The following MTAP variants were observed in gnomAD, a reference collection of about 807,000 sequenced individuals.
MTAP encodes the protein methylthioadenosine phosphorylase, also known as S-methyl-5'-thioadenosine phosphorylase.
In MTAP, 33 loss-of-function variants were observed where a neutral mutation model predicts 33.6. The observed-to-expected ratio is 0.98, with a 90% CI of 0.74 to 1.31. The LOEUF (loss-of-function observed/expected upper bound fraction) is 1.31, where lower values mean the gene tolerates loss of function less well. MTAP is among the 40% of genes most tolerant of loss of function. MTAP has a pLI of 0.00. For missense variants in MTAP, 367 were observed against 360.0 expected, an observed-to-expected ratio of 1.02 and a Z score of -0.16; for synonymous variants, 148 against 125.7, an observed-to-expected ratio of 1.18 and a Z score of -1.19.
At chr9:21,873,404 C>G (rs778756880) in intron 1 of MTAP, among the ~76,000 whole-genome samples, 1 of 152,098 alleles carries the variant, frequency 6.6e-6, no homozygotes, top group Non-Finnish European at 1.5e-5. Context: ...GCAGTAGTAT[C>G]AAGAGGTAGA....
intron 6 of MTAP, 97 bp from the exon 7 acceptor site, chr9:21,859,206 C>T (rs1825701282): frequency 2.7e-6 from 4 of 1,506,010 alleles, no homozygotes; most frequent in Non-Finnish European, 3.6e-6. Flanking sequence ...GGGACACAAA[C>T]ATTTAGGCTG....
At chr9:21,934,958 C>T (rs1474001510), downstream of MTAP, 1 of 151,978 alleles carries the variant, frequency 6.6e-6, no homozygotes, top group Non-Finnish European at 1.5e-5. This position sits in a 1 kb window ranked among gnomAD's most constrained non-coding sequence, Gnocchi z 5.0. Flanking sequence ...CTCGGCCTCC[C>T]AAAGTGCTGG....
At chr9:21,913,471 A>G (rs1818620700) in intron 1 of MTAP, among the ~76,000 whole-genome samples, 1 of 152,166 alleles carries the variant, frequency 6.6e-6, no homozygotes, top group South Asian at 2.1e-4. Flanking sequence ...TGGAAATAAT[A>G]ACAAACATCT....
chr9:21,842,935 G>T (rs985955337), intron 5 of MTAP, among the ~76,000 whole-genome samples: 16 of 152,276 alleles, frequency 1.1e-4, no homozygotes, highest in Admixed American at 2.6e-4. Flanking sequence ...GAATGTAAAT[G>T]ACCTAAATGC....
At chr9:21,915,164 G>C (rs1050733972) in intron 1 of MTAP, among the ~76,000 whole-genome samples, 1 of 150,992 alleles carries the variant, frequency 6.6e-6, no homozygotes, top group Non-Finnish European at 1.5e-5. Context: ...CTCACTGCAA[G>C]CTCCACCTCT....
chr9:21,897,020 A>G (rs962612632), intron 1 of MTAP, among the ~76,000 whole-genome samples: 2 of 152,228 alleles, frequency 1.3e-5, no homozygotes, highest in Admixed American at 1.3e-4. Flanking sequence ...CACATCAAAA[A>G]GCTTATCCAC....
At chr9:21,836,337 C>G (rs1386678626) in intron 4 of MTAP, among the ~76,000 whole-genome samples, 2 of 152,082 alleles carry the variant, frequency 1.3e-5, no homozygotes, top group Non-Finnish European at 2.9e-5. Context: ...TTGCATGAAG[C>G]TTAACTTAAA....
At chr9:21,852,707 GAAAA>G (rs201258395) in intron 5 of MTAP, among the ~76,000 whole-genome samples, 1 of 118,128 alleles carries the variant, frequency 8.5e-6, no homozygotes, top group African/African-American at 3.1e-5. Context: ...CTATTGAAAT[GAAAA>G]AAAAAAAAAA....
intron 1 of MTAP, among the ~76,000 whole-genome samples, chr9:21,884,434 A>G (rs891811655): frequency 6.6e-6 from 1 of 152,212 alleles, no homozygotes; most frequent in Non-Finnish European, 1.5e-5. Context: ...ACATAATGTT[A>G]AGTGGAAAAA....
exon 2 of MTAP, chr9:21,931,023 A>G: frequency 1.3e-6 from 1 of 763,832 alleles, no homozygotes. Context: ...CAAGTTCCAG[A>G]TGATCCTCAG....
At chr9:21,810,098 A>G (rs186867112) in intron 1 of MTAP, among the ~76,000 whole-genome samples, 2 of 152,346 alleles carry the variant, frequency 1.3e-5, no homozygotes, top group East Asian at 1.9e-4. Context: ...TAGGCCTGCT[A>G]TAACAAAGCA....
At chr9:21,914,907 A>G (rs997812525) in intron 1 of MTAP, among the ~76,000 whole-genome samples, 3 of 151,900 alleles carry the variant, frequency 2.0e-5, no homozygotes, top group African/African-American at 4.8e-5. Context: ...AAAGAGTCAT[A>G]TAATATATGG....
At chr9:21,822,271 C>A (rs1239681171) in intron 4 of MTAP, among the ~76,000 whole-genome samples, 1 of 152,176 alleles carries the variant, frequency 6.6e-6, no homozygotes, top group Non-Finnish European at 1.5e-5. Context: ...GCATTTAGTG[C>A]TATAAATTTC....
chr9:21,873,964 A>G (rs533248451), intron 1 of MTAP, among the ~76,000 whole-genome samples: 1 of 152,284 alleles, frequency 6.6e-6, no homozygotes, highest in African/African-American at 2.4e-5. Flanking sequence ...TTAACAGGAA[A>G]TAGTGTTATC....
chr9:21,918,912 G>C (rs577216220), intron 1 of MTAP, among the ~76,000 whole-genome samples: 1 of 152,046 alleles, frequency 6.6e-6, no homozygotes. Flanking sequence ...TATTAGCAGC[G>C]TGAGAACAGA....
At chr9:21,915,161 C>T (rs559612278) in intron 1 of MTAP, among the ~76,000 whole-genome samples, 39 of 151,426 alleles carry the variant, frequency 2.6e-4, no homozygotes, top group African/African-American at 9.0e-4. Context: ...TGGCTCACTG[C>T]AAGCTCCACC....
At chr9:21,918,403 TG>T (rs1818731090) in intron 1 of MTAP, among the ~76,000 whole-genome samples, 2 of 143,536 alleles carry the variant, frequency 1.4e-5, no homozygotes, top group South Asian at 4.5e-4. Context: ...GGGGGCTCGA[TG>T]GGGGAGGTTT....
intron 2 of MTAP, among the ~76,000 whole-genome samples, chr9:21,815,834 T>G (rs1217701546): frequency 1.3e-5 from 2 of 152,222 alleles, no homozygotes; most frequent in African/African-American, 4.8e-5. Flanking sequence ...AAATCTACAT[T>G]CAAATCTTCT....
chr9:21,901,629 C>T (rs1288702884), intron 1 of MTAP, among the ~76,000 whole-genome samples: 1 of 152,150 alleles, frequency 6.6e-6, no homozygotes, highest in South Asian at 2.1e-4. Flanking sequence ...CCTCAACCTC[C>T]TTTGCCAGGT....
Sources: allele counts gnomAD v4.1 joint callset (sites outside exome capture counted in the v4.1 genomes callset), GRCh38; gene constraint gnomAD v4.1.1; non-coding constraint Gnocchi (gnomAD v3.1); transcripts MANE v1.5; gene names NCBI Gene and HGNC (gene_info 2026-07-23, HGNC 2026-07-21).